PRICKLE1: variants seen among roughly 807,000 people sequenced by gnomAD.
PRICKLE1 encodes prickle-like protein 1.
PRICKLE1 carries 14 observed loss-of-function variants against 70.2 expected under a neutral mutation model. The observed-to-expected ratio is 0.20, with a 90% CI of 0.13 to 0.31. The LOEUF is 0.31. PRICKLE1 is among the 10% of genes least tolerant of loss of function. The probability of loss-of-function intolerance (pLI) is 1.00; values close to 1 mark genes in which losing one functional copy is unlikely to be tolerated. For missense variants in PRICKLE1, 821 were observed against 1,026.2 expected (o/e 0.80, Z 2.73); for synonymous variants, 357 against 379.9 (o/e 0.94, Z 0.70).
chr12:42,557,346 G>A (rs1365504785), intron 1 of PRICKLE1, among the ~76,000 whole-genome samples: 1 of 152,112 alleles, frequency 6.6e-6, no homozygotes, highest in Non-Finnish European at 1.5e-5. Flanking sequence ...GATGAAAGAA[G>A]GGCCAAATGA....
chr12:42,487,191 TTTC>T (rs1164292958), intron 1 of PRICKLE1, among the ~76,000 whole-genome samples: 1 of 152,226 alleles, frequency 6.6e-6, no homozygotes, highest in Admixed American at 6.5e-5. Context: ...AATGTGTTAC[TTTC>T]TTGTCAATTT....
chr12:42,473,173 C>T (rs1426081357), intron 1 of PRICKLE1, among the ~76,000 whole-genome samples: 1 of 152,204 alleles, frequency 6.6e-6, no homozygotes, highest in African/African-American at 2.4e-5. Flanking sequence ...TTATACTGCA[C>T]ATTAAATCCT....
chr12:42,517,678 C>T (rs1347927423), intron 1 of PRICKLE1, among the ~76,000 whole-genome samples: 1 of 151,982 alleles, frequency 6.6e-6, no homozygotes, highest in Non-Finnish European at 1.5e-5. Context: ...TAAGGCCATC[C>T]TCAAATACTG....
At chr12:42,545,016 G>T (rs1458237807) in intron 1 of PRICKLE1, among the ~76,000 whole-genome samples, 3 of 150,102 alleles carry the variant, frequency 2.0e-5, no homozygotes, top group Non-Finnish European at 3.0e-5. Flanking sequence ...ATGAGGTCTT[G>T]CTCTGTCACC....
intron 1 of PRICKLE1, among the ~76,000 whole-genome samples, chr12:42,485,707 T>C (rs1351785236): frequency 2.6e-5 from 4 of 152,228 alleles, no homozygotes; most frequent in Non-Finnish European, 5.9e-5. Flanking sequence ...AGACCCTTTT[T>C]GGAATAGCTT....
At chr12:42,539,433 A>C (rs1592012381) in intron 1 of PRICKLE1, among the ~76,000 whole-genome samples, 1 of 150,932 alleles carries the variant, frequency 6.6e-6, no homozygotes, top group Admixed American at 6.6e-5. Context: ...ATGCCACTGC[A>C]CTCCAGCCTG....
Position 42,526,756 on chromosome 12 carries a change from A to G in PRICKLE1, c.-48-54192T>C, listed in dbSNP as rs1169257923. Among the ~76,000 whole-genome samples, 7 of 27,852 alleles carry G rather than the reference A, an allele frequency of 2.5e-4. No individual in the cohort carries two copies. The East Asian group carries it at 9.6e-3, about 38-fold the overall frequency. The allele number at this position is 27,852 out of a possible 152,430, so 18.3% of individuals were successfully genotyped here. A position where few individuals can be genotyped will look rare whatever the true frequency, so the allele number is the denominator to read the frequency against. ...CCTTAAAAACACTCCTCTAAGCCAAAAAAAAAAAAAAAATGCTTAGAGGAG... is the reference window on the plus strand; with the variant it reads ...CCTTAAAAACACTCCTCTAAGCCAAGAAAAAAAAAAAAATGCTTAGAGGAG... On this transcript the variant is annotated intron_variant, in intron 1 of 7. Transcript: ENST00000345127.
intron 1 of PRICKLE1, among the ~76,000 whole-genome samples, chr12:42,495,551 C>G (rs1214025617): frequency 6.6e-6 from 1 of 151,776 alleles, no homozygotes; most frequent in African/African-American, 2.4e-5. Context: ...AATTCCAGTT[C>G]TCTTGATATT....
intron 1 of PRICKLE1, among the ~76,000 whole-genome samples, chr12:42,566,425 G>A (rs576260107): frequency 6.6e-6 from 1 of 152,244 alleles, no homozygotes; most frequent in African/African-American, 2.4e-5. Context: ...AAATTGGAGG[G>A]GGAAGTGGCT....
In PRICKLE1 at chr12:42,494,972, G is replaced by A. The variant is rs545071802; in HGVS notation, c.-48-22408C>T. On this transcript the variant is annotated intron_variant, in intron 1 of 7. Transcript: ENST00000345127. ...TGCAGTAGCGCCACCATAACTCACG[G>A]CAACCTTGAACTCCTGGGCTCAAGC... Among the ~76,000 whole-genome samples, 3 of 150,106 alleles carry A rather than the reference G, an allele frequency of 2.0e-5. No individual in the cohort carries two copies. The South Asian group carries it at 6.3e-4, about 32-fold the overall frequency.
At chr12:42,516,672 ATCTG>A (rs546248889) in intron 1 of PRICKLE1, among the ~76,000 whole-genome samples, 79 of 152,306 alleles carry the variant, frequency 5.2e-4, no homozygotes, top group Admixed American at 1.3e-3. Flanking sequence ...ACTGGAAGCC[ATCTG>A]TCTGTGTTTG....
Position 42,544,220 on chromosome 12 carries a change from T to A in PRICKLE1, c.-49+45245A>T, listed in dbSNP as rs144901503. Among the ~76,000 whole-genome samples the A allele has an allele frequency of 2.5e-3, 381 of 152,316 alleles. 2 individuals are homozygous for A. The highest frequency in any genetic ancestry group is 8.6e-3 in the African/African-American group (356 of 41,580). On this transcript the variant is annotated intron_variant, in intron 1 of 7. Transcript: ENST00000345127. ...CTAGGCTGCCTCACTATTTACAAATTTACGAGTGATCACTTGATTATGTTG... is the reference window on the plus strand; with the variant it reads ...CTAGGCTGCCTCACTATTTACAAATATACGAGTGATCACTTGATTATGTTG...
chr12:42,541,929 C>A (rs1051932387), intron 1 of PRICKLE1, among the ~76,000 whole-genome samples: 1 of 152,160 alleles, frequency 6.6e-6, no homozygotes, highest in Non-Finnish European at 1.5e-5. Context: ...AAGCACAGAG[C>A]CAGGAAGAGA....
chr12:42,476,767 C>T (rs1232411541), intron 1 of PRICKLE1, among the ~76,000 whole-genome samples: 5 of 152,066 alleles, frequency 3.3e-5, no homozygotes, highest in African/African-American at 9.7e-5. Flanking sequence ...CCTACCTCAG[C>T]TTCCCAAGTA....
intron 1 of PRICKLE1, among the ~76,000 whole-genome samples, chr12:42,515,190 G>T (rs747787679): frequency 2.6e-5 from 4 of 151,650 alleles, no homozygotes; most frequent in Admixed American, 1.3e-4. Context: ...AAACTGCTGG[G>T]ATTATAGGCA....
At chr12:42,506,342 T>TG (rs1939415212) in intron 1 of PRICKLE1, among the ~76,000 whole-genome samples, 1 of 148,554 alleles carries the variant, frequency 6.7e-6, no homozygotes, top group Non-Finnish European at 1.5e-5. Flanking sequence ...CTGAAAACTC[T>TG]GCCTCCTGGG....
intron 1 of PRICKLE1, among the ~76,000 whole-genome samples, chr12:42,586,228 T>C (rs1394777378): frequency 1.3e-5 from 2 of 152,192 alleles, no homozygotes; most frequent in Admixed American, 6.5e-5. Flanking sequence ...GCAATCTTAA[T>C]ATTCTCTCAC....
In PRICKLE1 at chr12:42,532,626, G is replaced by A. The variant is rs538471420; in HGVS notation, c.-49+56839C>T. On this transcript the variant is annotated intron_variant, in intron 1 of 7. Coordinates refer to ENST00000345127, the MANE Select transcript of PRICKLE1 (RefSeq NM_153026.3). ...TGTGTTTCTTGTTCCGGCCGGGCGC[G>A]GTGGCTCACGCCTGTAATCCCAGCA... 6.6e-5 allele frequency among the ~76,000 whole-genome samples: 10 copies of A among 152,248 alleles called. No homozygotes were observed. The East Asian group carries it at 1.5e-3, about 24-fold the overall frequency.
chr12:42,491,055 A>C (rs1939095528), intron 1 of PRICKLE1, among the ~76,000 whole-genome samples: 1 of 150,630 alleles, frequency 6.6e-6, no homozygotes, highest in Non-Finnish European at 1.5e-5. Context: ...TTCTATCTTT[A>C]GGAAAGACAA....
Sources: gnomAD v4.1 joint callset for allele counts (sites outside exome capture counted in the v4.1 genomes callset) on GRCh38, gnomAD v4.1.1 for gene constraint, MANE v1.5 for transcripts, NCBI Gene and HGNC (gene_info 2026-07-23, HGNC 2026-07-21) for gene names.